Variants in TMEM131L observed in about 807,000 individuals in gnomAD.
TMEM131L encodes the protein transmembrane protein 131-like.
TMEM131L carries 54 observed loss-of-function variants against 192.2 expected under a neutral mutation model. The ratio of observed to expected loss-of-function variants is 0.28; its 90% CI spans 0.23 to 0.35. The LOEUF (loss-of-function observed/expected upper bound fraction) is 0.35. Among genes scored for constraint, TMEM131L ranks in the 10% least tolerant of loss-of-function variants. The probability of loss-of-function intolerance (pLI) is 1.00; values close to 1 mark genes in which losing one functional copy is unlikely to be tolerated. For synonymous variants in TMEM131L, 701 were observed against 704.9 expected, an observed-to-expected ratio of 0.99 and a Z score of 0.09; for missense variants, 1,888 against 1,972.9, an observed-to-expected ratio of 0.96 and a Z score of 0.82.
chr4:153,466,776 C>T (rs901077497), intron 1 of TMEM131L, among the ~76,000 whole-genome samples: 6 of 152,120 alleles, frequency 3.9e-5, no homozygotes, highest in African/African-American at 1.4e-4. Flanking sequence ...CGCCCTGGAG[C>T]CTTTGTGCGC....
intron 19 of TMEM131L, 35 bp downstream of exon 19, chr4:153,593,906 C>T (rs368586969): frequency 1.8e-4 from 259 of 1,410,996 alleles, no homozygotes; most frequent in Non-Finnish European, 2.4e-4. Context: ...AAAAGAATGC[C>T]GACAAACTAG....
chr4:153,511,435 T>C (rs1462374650), intron 3 of TMEM131L, among the ~76,000 whole-genome samples: 1 of 151,902 alleles, frequency 6.6e-6, no homozygotes, highest in Non-Finnish European at 1.5e-5. Flanking sequence ...TAATAACACG[T>C]GGAAACATAG....
At position 153,621,775 on chromosome 4, in the gene TMEM131L, A is replaced by G; in HGVS notation, c.3785A>G (p.Gln1262Arg). Residue 1262 changes from glutamine to arginine, a missense_variant, in exon 28 of 35, where the codon CAG (glutamine) becomes CGG (arginine). Transcript: ENST00000409959. ...SDINVRSWCIQESTREVCKAD... is the reference protein window; with the variant it reads ...SDINVRSWCIRESTREVCKAD... ...ATCAATGTAAGAAGCTGGTGTATAC[A>G]GGAAAGCACTAGGGAGGTTTGTAAA... 1 of 1,614,214 alleles carries G rather than the reference A, an allele frequency of 6.2e-7. No homozygotes were observed.
At chr4:153,516,931 A>G (rs1162341661) in intron 3 of TMEM131L, among the ~76,000 whole-genome samples, 3 of 152,068 alleles carry the variant, frequency 2.0e-5, no homozygotes, top group Non-Finnish European at 4.4e-5. Context: ...GGTTCCAACG[A>G]TTCTCCTGCC....
chr4:153,592,208 A>G (rs1251199771), intron 17 of TMEM131L, among the ~76,000 whole-genome samples: 2 of 146,350 alleles, frequency 1.4e-5, no homozygotes, highest in Non-Finnish European at 3.0e-5. Flanking sequence ...ACTTTCCAGC[A>G]TTTTTTTTTT....
intron 25 of TMEM131L, among the ~76,000 whole-genome samples, chr4:153,607,683 G>A (rs1658442974): frequency 6.6e-6 from 1 of 152,158 alleles, no homozygotes; most frequent in Admixed American, 6.5e-5. Context: ...AACTCCTGGA[G>A]GCACCTGAAT....
Position 153,580,888 on chromosome 4 carries a change from G to A in TMEM131L, c.723G>A (p.Val241=), listed in dbSNP as rs1414100877. The change falls in exon 8 of 35, where the codon GTG becomes GTA. Residue 241 remains valine, a synonymous_variant. Transcript: ENST00000409959. ...TGGAATGCAGTTTACATAATAAAGT[G>A]TGTCAGCAATTAAAGGTAAAATAAA... ...VQLECSLHNK[V]CQQLKGCYLE... 1.9e-6 allele frequency: 3 copies of A among 1,605,650 alleles called. No homozygotes were observed. Among genetic ancestry groups the A allele is most frequent in the Non-Finnish European group, 2.6e-6 (3 of 1,172,530 alleles).
At chr4:153,469,929 AAAACAAACAAACAAAC>A (rs137897297) in intron 2 of TMEM131L, among the ~76,000 whole-genome samples, 2 of 150,992 alleles carry the variant, frequency 1.3e-5, no homozygotes, top group Admixed American at 1.3e-4. Context: ...TTTGTCTCAA[AAAACAAACAAACAAAC>A]AAACAAACAA....
intron 3 of TMEM131L, among the ~76,000 whole-genome samples, chr4:153,474,764 C>T (rs1731409744): frequency 6.6e-6 from 1 of 152,112 alleles, no homozygotes; most frequent in South Asian, 2.1e-4. Flanking sequence ...CCATGCTAGC[C>T]AGGCTGGTCT....
Position 153,622,993 on chromosome 4 carries a change from A to C in TMEM131L, c.3955A>C (p.Ser1319Arg), listed in dbSNP as rs1472862670. Reference sequence around the variant, plus strand: ...GAGCTCCTCTGGCAGCGTGCGTGCCAGCCGGGGCAGCTGGGGGAGCTGGAG... The same window carrying C: ...GAGCTCCTCTGGCAGCGTGCGTGCCCGCCGGGGCAGCTGGGGGAGCTGGAG... ...CGSSSGSVRA[S>R]RGSWGSWSST... is the part of the protein sequence containing the mutation. Residue 1319 changes from serine (S) to arginine (R), a missense_variant, in exon 29 of 35, where the codon AGC becomes CGC. Coordinates refer to ENST00000409959, the MANE Select transcript of TMEM131L (RefSeq NM_001131007.2). 1 of 1,614,188 alleles carries C rather than the reference A, an allele frequency of 6.2e-7. No homozygotes were observed. The highest frequency in any genetic ancestry group is 2.2e-5 in the East Asian group (1 of 44,884).
At chr4:153,478,638 T>C (rs1662402256) in intron 3 of TMEM131L, among the ~76,000 whole-genome samples, 1 of 152,228 alleles carries the variant, frequency 6.6e-6, no homozygotes, top group African/African-American at 2.4e-5. Flanking sequence ...AAGTTGAGCT[T>C]CACCGACACA....
chr4:153,477,637 G>A (rs1239155852), intron 3 of TMEM131L, among the ~76,000 whole-genome samples: 1 of 152,098 alleles, frequency 6.6e-6, no homozygotes, highest in Non-Finnish European at 1.5e-5. Flanking sequence ...GTACTTGCAA[G>A]CATATACATG....
rs1737927674 is a variant in TMEM131L, at chr4:153,555,650, A to G, written c.309-137A>G. The G allele has an allele frequency of 6.1e-6, 4 of 659,230 alleles. No homozygotes were observed. The highest frequency in any genetic ancestry group is 9.4e-6 in the Non-Finnish European group (4 of 424,552). The allele number at this position is 659,230 out of a possible 1,614,324, so 40.8% of individuals were successfully genotyped here. On this transcript the variant is annotated intron_variant, in intron 4 of 34. Transcript: ENST00000409959. This position sits in a 1 kb window ranked among gnomAD's most constrained non-coding sequence, Gnocchi z 4.1. ...TGCTTTATTACCAACACGATTGGAT[A>G]ATTTAACTTTGTGATGAACAGCAAC...
intron 3 of TMEM131L, among the ~76,000 whole-genome samples, chr4:153,518,598 T>C (rs1440770013): frequency 6.6e-6 from 1 of 152,164 alleles, no homozygotes; most frequent in Admixed American, 6.5e-5. Context: ...GGATATAGAA[T>C]AGTGATACTC....
At chr4:153,532,791 C>CACA in intron 3 of TMEM131L, among the ~76,000 whole-genome samples, 2 of 152,150 alleles carry the variant, frequency 1.3e-5, no homozygotes, top group East Asian at 3.9e-4. Context: ...GACTTTTGGA[C>CACA]ACAATCTCAT....
chr4:153,578,622 G>A (rs1179276826), intron 7 of TMEM131L, among the ~76,000 whole-genome samples: 1 of 151,148 alleles, frequency 6.6e-6, no homozygotes, highest in Non-Finnish European at 1.5e-5. Flanking sequence ...TCAGGTTCAC[G>A]CCATTCTCCT....
intron 3 of TMEM131L, among the ~76,000 whole-genome samples, chr4:153,539,281 C>T (rs544842908): frequency 6.6e-6 from 1 of 152,248 alleles, no homozygotes; most frequent in African/African-American, 2.4e-5. Context: ...TCTCCAGTGC[C>T]AGTGTTTGTT....
At chr4:153,496,343 C>T (rs181075813) in intron 3 of TMEM131L, among the ~76,000 whole-genome samples, 7 of 152,256 alleles carry the variant, frequency 4.6e-5, no homozygotes, top group Middle Eastern at 3.4e-3. Context: ...TCCATTGCAT[C>T]GAAAACGGGG....
At position 153,612,262 on chromosome 4, in the gene TMEM131L, G is replaced by A. The variant is rs745567399; in HGVS notation, c.3429G>A (p.Gln1143=). The change falls in exon 26 of 35, where the codon CAG becomes CAA. Residue 1143 remains glutamine, a synonymous_variant. Coordinates refer to ENST00000409959, the MANE Select transcript of TMEM131L (RefSeq NM_001131007.2). ...TTTTGTTTATTAAAGGGAATAACCA[G>A]CAAGTACCTGTCAAGAATGAAGTAG... is the stretch of plus-strand genomic sequence containing the variant. ...EISRKNNGNN[Q]QVPVKNEVDH... is the part of the protein sequence containing the mutation. The A allele has an allele frequency of 2.6e-6, 4 of 1,558,932 alleles. No individual in the cohort carries two copies. The highest frequency in any genetic ancestry group is 3.5e-6 in the Non-Finnish European group (4 of 1,159,210).
Sources: gnomAD v4.1 joint callset for allele counts (sites outside exome capture counted in the v4.1 genomes callset) on GRCh38, gnomAD v4.1.1 for gene constraint, Gnocchi (gnomAD v3.1) non-coding constraint, MANE v1.5 for transcripts, NCBI Gene and HGNC (gene_info 2026-07-23, HGNC 2026-07-21) for gene names.